Variants in THSD4 observed in about 807,000 individuals in gnomAD.
The protein encoded by THSD4 is thrombospondin type 1 domain containing 4, also known as thrombospondin type-1 domain-containing protein 4.
A neutral mutation model predicts 119.0 loss-of-function variants in THSD4; 69 were observed. The ratio of observed to expected loss-of-function variants is 0.58; its 90% CI spans 0.48 to 0.71. The LOEUF is 0.71. THSD4 is among the 30% of genes least tolerant of loss of function. The probability of loss-of-function intolerance (pLI) is 0.00; values close to 1 mark genes in which losing one functional copy is unlikely to be tolerated. For missense variants in THSD4, 1,393 were observed against 1,391.1 expected (o/e 1.00, Z -0.02); for synonymous variants, 524 against 540.4 (o/e 0.97, Z 0.42).
At chr15:71,285,146 T>A (rs16955384) in intron 6 of THSD4, among the ~76,000 whole-genome samples, 3,059 of 152,294 alleles carry the variant, frequency 0.02, 119 homozygotes, top group African/African-American at 0.071. Context: ...AATGGAATAA[T>A]AATACTTGAT....
intron 7 of THSD4, among the ~76,000 whole-genome samples, chr15:71,572,436 A>T (rs1197572772): frequency 6.6e-6 from 1 of 152,208 alleles, no homozygotes; most frequent in Non-Finnish European, 1.5e-5. Context: ...AGCCACTTAC[A>T]CAGTATACCA....
At chr15:71,561,228 C>T (rs2049111582) in intron 7 of THSD4, among the ~76,000 whole-genome samples, 1 of 152,188 alleles carries the variant, frequency 6.6e-6, no homozygotes, top group South Asian at 2.1e-4. Flanking sequence ...CCTGCCTCAG[C>T]CTCCCAAAGT....
chr15:71,448,249 T>C (rs767334385), intron 7 of THSD4, among the ~76,000 whole-genome samples: 2 of 152,180 alleles, frequency 1.3e-5, no homozygotes, highest in Non-Finnish European at 2.9e-5. Flanking sequence ...CACATCCTCA[T>C]TGAGAATATT....
chr15:71,290,458 G>A (rs1456456885), intron 6 of THSD4, among the ~76,000 whole-genome samples: 3 of 151,854 alleles, frequency 2.0e-5, no homozygotes, highest in Non-Finnish European at 4.4e-5. Flanking sequence ...TCCTGTTAGT[G>A]TCTCTTTGGG....
At chr15:71,535,101 T>G (rs918189936) in intron 7 of THSD4, among the ~76,000 whole-genome samples, 5 of 152,218 alleles carry the variant, frequency 3.3e-5, no homozygotes, top group African/African-American at 1.2e-4. Flanking sequence ...CTCCCAAAAG[T>G]AATCCTATAC....
intron 1 of THSD4, among the ~76,000 whole-genome samples, chr15:71,132,182 G>A (rs1483049436): frequency 2.0e-5 from 3 of 152,180 alleles, no homozygotes; most frequent in Non-Finnish European, 2.9e-5. Context: ...CATTGTGAAG[G>A]ACCTTAGTCA....
At chr15:71,279,328 C>A (rs116686879) in intron 6 of THSD4, among the ~76,000 whole-genome samples, 3,804 of 152,238 alleles carry the variant, frequency 0.025, 163 homozygotes, top group African/African-American at 0.084. Context: ...GGCGGCTTTG[C>A]GTGCTTAAAA....
intron 2 of THSD4, among the ~76,000 whole-genome samples, chr15:71,143,509 G>C (rs2040625039): frequency 1.3e-5 from 2 of 151,854 alleles, no homozygotes. Context: ...AGCAGATTAT[G>C]AAAGGTAGGT....
At chr15:71,546,418 G>A (rs2048838822) in intron 7 of THSD4, among the ~76,000 whole-genome samples, 1 of 152,168 alleles carries the variant, frequency 6.6e-6, no homozygotes, top group East Asian at 1.9e-4. Context: ...TATCTCAAGT[G>A]CATTGTAGGC....
At chr15:71,483,382 T>G (rs1478568924) in intron 7 of THSD4, among the ~76,000 whole-genome samples, 1 of 152,154 alleles carries the variant, frequency 6.6e-6, no homozygotes, top group African/African-American at 2.4e-5. Context: ...GGTCAAAGAT[T>G]ATAAGTTTCT....
intron 7 of THSD4, among the ~76,000 whole-genome samples, chr15:71,471,345 G>A (rs2047576404): frequency 6.6e-6 from 1 of 152,144 alleles, no homozygotes; most frequent in Non-Finnish European, 1.5e-5. Flanking sequence ...TTTCCAGAAT[G>A]TCTGTGCCTT....
intron 6 of THSD4, among the ~76,000 whole-genome samples, chr15:71,302,906 G>C (rs2044971740): frequency 6.6e-6 from 1 of 152,128 alleles, no homozygotes; most frequent in Admixed American, 6.5e-5. Flanking sequence ...GAGGGCCCAG[G>C]AGGGTCTTGC....
chr15:71,215,807 A>G (rs2043927919), intron 4 of THSD4, among the ~76,000 whole-genome samples: 1 of 152,228 alleles, frequency 6.6e-6, no homozygotes, highest in African/African-American at 2.4e-5. Context: ...CGGAAAGCTG[A>G]TATGAGTTGC....
chr15:71,749,249 A>G (rs760276765), intron 14 of THSD4, among the ~76,000 whole-genome samples: 2 of 152,272 alleles, frequency 1.3e-5, no homozygotes, highest in Non-Finnish European at 2.9e-5. Context: ...TGTGTATTCT[A>G]CCACAATCAA....
intron 3 of THSD4, among the ~76,000 whole-genome samples, chr15:71,213,701 A>G (rs74397704): frequency 9.8e-5 from 15 of 152,304 alleles, no homozygotes; most frequent in African/African-American, 3.6e-4. Context: ...GACCAGTTAA[A>G]TGAGGGTATA....
chr15:71,172,720 T>C (rs1464640712), intron 3 of THSD4, among the ~76,000 whole-genome samples: 2 of 118,580 alleles, frequency 1.7e-5, no homozygotes, highest in Admixed American at 7.8e-5. Context: ...TATATATATA[T>C]ATATATATAT....
intron 15 of THSD4, among the ~76,000 whole-genome samples, chr15:71,760,992 AT>A (rs1401983708): frequency 1.3e-5 from 2 of 152,098 alleles, no homozygotes; most frequent in Non-Finnish European, 2.9e-5. Flanking sequence ...TTTCAGGACT[AT>A]TTTTGTCTTT....
At chr15:71,577,567 G>C (rs911549666) in intron 7 of THSD4, among the ~76,000 whole-genome samples, 1 of 152,066 alleles carries the variant, frequency 6.6e-6, no homozygotes, top group Non-Finnish European at 1.5e-5. Context: ...TCGAAACTGT[G>C]AAGTACATAC....
intron 8 of THSD4, among the ~76,000 whole-genome samples, chr15:71,670,805 T>A (rs1420688108): frequency 6.6e-6 from 1 of 151,678 alleles, no homozygotes; most frequent in Non-Finnish European, 1.5e-5. Flanking sequence ...TTCATCCATG[T>A]CCCTACAAAG....
Sources: allele counts gnomAD v4.1 joint callset (sites outside exome capture counted in the v4.1 genomes callset), GRCh38; gene constraint gnomAD v4.1.1; transcripts MANE v1.5; gene names NCBI Gene and HGNC (gene_info 2026-07-23, HGNC 2026-07-21).